The following NRXN3 variants were observed in gnomAD, a reference collection of about 807,000 sequenced individuals.
NRXN3 encodes neurexin III.
In NRXN3, 32 loss-of-function variants were observed where a neutral mutation model predicts 137.6. The observed-to-expected ratio is 0.23, with a 90% CI of 0.18 to 0.31. The LOEUF (loss-of-function observed/expected upper bound fraction) is 0.31. NRXN3 is among the 10% of genes least tolerant of loss of function. The probability of loss-of-function intolerance (pLI) is 1.00; values close to 1 mark genes in which losing one functional copy is unlikely to be tolerated. For synonymous variants in NRXN3, 798 were observed against 784.5 expected (o/e 1.02, Z -0.29); for missense variants, 1,574 against 2,062.5 (o/e 0.76, Z 4.59).
chr14:78,569,897 C>T (rs975183320), intron 4 of NRXN3, among the ~76,000 whole-genome samples: 5 of 152,180 alleles, frequency 3.3e-5, no homozygotes, highest in East Asian at 1.9e-4. Context: ...GGCTTGCACC[C>T]GGAAACTGCA....
chr14:78,370,207 G>A (rs937465904), intron 4 of NRXN3, among the ~76,000 whole-genome samples: 5 of 151,842 alleles, frequency 3.3e-5, no homozygotes, highest in African/African-American at 9.7e-5. Flanking sequence ...TCATTCCAAC[G>A]TAGTGATCTG....
chr14:78,703,184 A>G (rs2098306624), intron 6 of NRXN3, among the ~76,000 whole-genome samples: 1 of 152,238 alleles, frequency 6.6e-6, no homozygotes, highest in South Asian at 2.1e-4. Flanking sequence ...TCTTGCTCAT[A>G]AGGTGTTCGA....
intron 15 of NRXN3, among the ~76,000 whole-genome samples, chr14:79,275,872 G>A (rs1268258071): frequency 6.6e-6 from 1 of 151,868 alleles, no homozygotes; most frequent in Non-Finnish European, 1.5e-5. Context: ...TTCCGTGGGG[G>A]GTTTATTCAA....
At chr14:79,274,454 G>A (rs748173526) in intron 15 of NRXN3, among the ~76,000 whole-genome samples, 17 of 151,998 alleles carry the variant, frequency 1.1e-4, no homozygotes, top group Non-Finnish European at 2.4e-4. Context: ...CCCTAAAACC[G>A]GACAGAGATT....
chr14:78,903,331 A>G (rs1294307530), intron 10 of NRXN3, among the ~76,000 whole-genome samples: 1 of 151,668 alleles, frequency 6.6e-6, no homozygotes, highest in African/African-American at 2.4e-5. Flanking sequence ...TTGTAGAGAT[A>G]GGGTTTCGCC....
At chr14:79,597,547 C>T (rs1367213016) in intron 16 of NRXN3, among the ~76,000 whole-genome samples, 3 of 152,080 alleles carry the variant, frequency 2.0e-5, no homozygotes, top group Non-Finnish European at 2.9e-5. Flanking sequence ...ACCTTAGTTC[C>T]CTTTATAGAT....
intron 15 of NRXN3, among the ~76,000 whole-genome samples, chr14:79,141,915 A>AAATC (rs1386511745): frequency 2.6e-5 from 4 of 152,352 alleles, no homozygotes; most frequent in African/African-American, 9.6e-5. Context: ...TGTCATAAAC[A>AAATC]AATCAATCAC....
chr14:79,154,511 T>G (rs1343229402), intron 15 of NRXN3, among the ~76,000 whole-genome samples: 3 of 151,868 alleles, frequency 2.0e-5, no homozygotes, highest in African/African-American at 7.3e-5. Flanking sequence ...GTTCTCAAAT[T>G]TTGCCTCAAG....
Position 79,639,856 on chromosome 14 carries a change from T to G in NRXN3, c.3445-23922T>G, listed in dbSNP as rs187235800. 6.4e-4 allele frequency among the ~76,000 whole-genome samples: 97 copies of G among 152,288 alleles called. 1 individual carries two copies. Among genetic ancestry groups the G allele is most frequent in the Non-Finnish European group, 4.4e-4 (30 of 68,016 alleles). ...GAGGCTGCTAACTTTTGGCTTCTGTTTCCGATAATAAATCTCCCTCCTCCC... is the reference window on the plus strand; with the variant it reads ...GAGGCTGCTAACTTTTGGCTTCTGTGTCCGATAATAAATCTCCCTCCTCCC... On this transcript the variant is annotated intron_variant, in intron 16 of 20. Transcript: ENST00000335750.
chr14:78,946,759 A>G (rs2099366083), intron 10 of NRXN3, among the ~76,000 whole-genome samples: 1 of 152,190 alleles, frequency 6.6e-6, no homozygotes, highest in South Asian at 2.1e-4. Context: ...CATGGAAATT[A>G]GTCCTGTTTG....
intron 4 of NRXN3, among the ~76,000 whole-genome samples, chr14:78,382,500 G>A (rs913622809): frequency 2.6e-5 from 4 of 152,192 alleles, no homozygotes; most frequent in African/African-American, 9.6e-5. Flanking sequence ...ATTGCAAAGC[G>A]ACTGAGCCAC....
At position 79,192,256 on chromosome 14, in the gene NRXN3, A is replaced by T. The variant is rs375097830; in HGVS notation, c.3262+204115A>T. On this transcript the variant is annotated intron_variant, in intron 15 of 20. Coordinates refer to ENST00000335750, the MANE Select transcript of NRXN3 (RefSeq NM_001330195.2). ...TAAGTCTTTGATTCTTGTTCTGTAA[A>T]ATATGATAATAGTAGGAATAATAAT... Among the ~76,000 whole-genome samples, 17 of 152,262 alleles carry T rather than the reference A, an allele frequency of 1.1e-4. No homozygotes were observed. The East Asian group carries it at 2.1e-3, about 19-fold the overall frequency.
intron 10 of NRXN3, among the ~76,000 whole-genome samples, chr14:78,906,774 G>A (rs1021043840): frequency 1.3e-5 from 2 of 151,948 alleles, no homozygotes; most frequent in Non-Finnish European, 2.9e-5. Context: ...TTCCCACTTG[G>A]CTGGAGCTGG....
Position 78,966,354 on chromosome 14 carries a change from C to T in NRXN3, c.2725C>T (p.Leu909Phe). Residue 909 changes from leucine (L) to phenylalanine (F), a missense_variant, in exon 12 of 21, where the codon CTC becomes TTC. Around this residue, in one of 5 missense-constraint regions of NRXN3, gnomAD observed 718 missense variants for 887.6 expected, o/e 0.81. Coordinates refer to ENST00000335750, the MANE Select transcript of NRXN3 (RefSeq NM_001330195.2). ...FKTTSPDGFI[L>F]FNSGDGNDFI... ...GACCACCTCACCAGATGGCTTCATT[C>T]TCTTCAATAGTGGTGATGGCAATGA... 1 of 1,614,176 alleles carries T rather than the reference C, an allele frequency of 6.2e-7. No individual in the cohort carries two copies. Among genetic ancestry groups the T allele is most frequent in the Non-Finnish European group, 8.5e-7 (1 of 1,180,022 alleles).
intron 4 of NRXN3, among the ~76,000 whole-genome samples, chr14:78,419,911 T>C (rs550886489): frequency 2.0e-5 from 3 of 152,068 alleles, no homozygotes; most frequent in Admixed American, 6.5e-5. Context: ...TACATGTGTG[T>C]GTGTAATGTA....
At chr14:79,751,934 G>C (rs1457358986) in intron 19 of NRXN3, among the ~76,000 whole-genome samples, 4 of 152,124 alleles carry the variant, frequency 2.6e-5, no homozygotes, top group Non-Finnish European at 5.9e-5. Context: ...ACTCGATCAT[G>C]GTGGATAAGC....
At chr14:79,751,178 C>T (rs376193091) in intron 19 of NRXN3, among the ~76,000 whole-genome samples, 3,878 of 152,124 alleles carry the variant, frequency 0.025, 66 homozygotes, top group Non-Finnish European at 0.037. Flanking sequence ...GCCATTTTCA[C>T]GATATTGATT....
chr14:79,768,441 G>A (rs2099064092), intron 19 of NRXN3, among the ~76,000 whole-genome samples: 1 of 152,194 alleles, frequency 6.6e-6, no homozygotes, highest in South Asian at 2.1e-4. Context: ...CGGGCAGACT[G>A]CCTCCTCAAG....
intron 4 of NRXN3, among the ~76,000 whole-genome samples, chr14:78,560,152 C>G (rs1019573968): frequency 1.3e-5 from 2 of 152,102 alleles, no homozygotes; most frequent in South Asian, 2.1e-4. Context: ...ATAGGGTGAT[C>G]GGTTTATTTT....
Sources: gnomAD v4.1 joint callset for allele counts (sites outside exome capture counted in the v4.1 genomes callset) on GRCh38, gnomAD v4.1.1 for gene constraint, gnomAD v4.1.1 regional missense constraint, MANE v1.5 for transcripts, NCBI Gene and HGNC (gene_info 2026-07-23, HGNC 2026-07-21) for gene names.